The following PDE1C variants were observed in gnomAD, a reference collection of about 807,000 sequenced individuals.
PDE1C encodes the protein dual specificity calcium/calmodulin-dependent 3',5'-cyclic nucleotide phosphodiesterase 1C.
In PDE1C, 62 loss-of-function variants were observed where a neutral mutation model predicts 93.1. That is an observed-to-expected ratio of 0.67 (90% CI 0.54 to 0.82). PDE1C has a LOEUF of 0.82. PDE1C is among the 40% of genes least tolerant of loss of function. PDE1C has a pLI of 0.00. For missense variants in PDE1C, 742 were observed against 884.6 expected (o/e 0.84, Z 2.04); for synonymous variants, 325 against 310.1 (o/e 1.05, Z -0.50).
intron 2 of PDE1C, among the ~76,000 whole-genome samples, chr7:31,984,617 A>G (rs1174948366): frequency 6.6e-6 from 1 of 152,192 alleles, no homozygotes; most frequent in Non-Finnish European, 1.5e-5. Context: ...CTGCGTGCAC[A>G]CTGGGCTCTG....
intron 2 of PDE1C, among the ~76,000 whole-genome samples, chr7:31,937,680 T>C (rs541379880): frequency 2.7e-4 from 41 of 152,288 alleles, no homozygotes; most frequent in African/African-American, 9.9e-4. Flanking sequence ...AAAAAGACAA[T>C]GTTTTAAAGT....
At chr7:32,182,440 G>C (rs900305506) in intron 2 of PDE1C, among the ~76,000 whole-genome samples, 5 of 152,148 alleles carry the variant, frequency 3.3e-5, no homozygotes, top group Admixed American at 2.0e-4. Context: ...ACATCAAAAA[G>C]CTTATCCACC....
chr7:32,382,870 G>T (rs566417447), intron 1 of PDE1C, among the ~76,000 whole-genome samples: 1 of 152,074 alleles, frequency 6.6e-6, no homozygotes, highest in African/African-American at 2.4e-5. Flanking sequence ...GCTCACTGTC[G>T]CCAGGCAGAC....
chr7:31,826,114 T>C (rs1204603498), intron 12 of PDE1C, among the ~76,000 whole-genome samples: 1 of 152,200 alleles, frequency 6.6e-6, no homozygotes, highest in African/African-American at 2.4e-5. Context: ...GGGATGCTGG[T>C]AATTCATTAC....
At chr7:32,341,173 CTTTTT>C in intron 1 of PDE1C, among the ~76,000 whole-genome samples, 1 of 84,952 alleles carries the variant, frequency 1.2e-5, no homozygotes, top group Admixed American at 1.7e-4. Flanking sequence ...GAAATAAAGT[CTTTTT>C]TTTTTTTTTT....
chr7:31,720,338 T>C, the PDE1C span, among the ~76,000 whole-genome samples: 1 of 152,082 alleles, frequency 6.6e-6, no homozygotes, highest in Non-Finnish European at 1.5e-5. Flanking sequence ...CTAGGGCCCT[T>C]GAGAGCAGGG....
chr7:31,909,856 C>A (rs1336385979), intron 2 of PDE1C, among the ~76,000 whole-genome samples: 1 of 152,100 alleles, frequency 6.6e-6, no homozygotes, highest in Non-Finnish European at 1.5e-5. Flanking sequence ...GCAGGAGTTT[C>A]CGCAAATTGG....
chr7:32,088,650 T>C (rs545795669), intron 3 of PDE1C, among the ~76,000 whole-genome samples: 1 of 152,344 alleles, frequency 6.6e-6, no homozygotes, highest in South Asian at 2.1e-4. Context: ...CGCTGGGTGT[T>C]TGCAAAGCAG....
chr7:32,309,437 C>T (rs1482488329), intron 1 of PDE1C, among the ~76,000 whole-genome samples: 1 of 152,112 alleles, frequency 6.6e-6, no homozygotes, highest in Non-Finnish European at 1.5e-5. Flanking sequence ...AACTCCAAGA[C>T]ACATAATTGT....
At chr7:32,425,121 C>T (rs6462362) in intron 1 of PDE1C, among the ~76,000 whole-genome samples, 24,178 of 146,032 alleles carry the variant, frequency 0.17, 2,109 homozygotes, top group East Asian at 0.22. Context: ...TATTATATTA[C>T]ATATATATAT....
chr7:32,237,770 T>A (rs1348118119), intron 1 of PDE1C, among the ~76,000 whole-genome samples: 1 of 108,688 alleles, frequency 9.2e-6, no homozygotes, highest in Admixed American at 8.8e-5. Flanking sequence ...ATACTTTTTT[T>A]TTTTTTTTTT....
At chr7:31,894,615 T>C (rs1329033583) in intron 2 of PDE1C, among the ~76,000 whole-genome samples, 1 of 152,178 alleles carries the variant, frequency 6.6e-6, no homozygotes, top group Non-Finnish European at 1.5e-5. Flanking sequence ...CACATTCACA[T>C]ATTTCTCAGA....
intron 16 of PDE1C, among the ~76,000 whole-genome samples, chr7:31,794,037 TAGATAGACAGACAGACAGAC>T (rs1784921714): frequency 9.5e-6 from 1 of 105,764 alleles, no homozygotes. Flanking sequence ...GATAGATAGA[TAGATAGACAGACAGACAGAC>T]AGACAGACAG....
intron 13 of PDE1C, among the ~76,000 whole-genome samples, chr7:31,823,470 A>G (rs1789256471): frequency 6.6e-6 from 1 of 151,916 alleles, no homozygotes; most frequent in South Asian, 2.1e-4. Context: ...GAGTCTCTAT[A>G]TTCTTCATAT....
chr7:32,424,748 T>C (rs1195510536), intron 1 of PDE1C, among the ~76,000 whole-genome samples: 1 of 151,742 alleles, frequency 6.6e-6, no homozygotes, highest in African/African-American at 2.4e-5. Context: ...GGAGGTAGAG[T>C]TTGCAGTGAG....
chr7:31,707,117 A>G, the PDE1C span: 1 of 1,235,610 alleles, frequency 8.1e-7, no homozygotes, highest in Non-Finnish European at 1.1e-6. Context: ...CTGGGTTGCC[A>G]TGCTCCTTTG....
At chr7:31,623,415 T>C in the PDE1C span, among the ~76,000 whole-genome samples, 1 of 151,508 alleles carries the variant, frequency 6.6e-6, no homozygotes, top group South Asian at 2.1e-4. Flanking sequence ...CATGATCAAG[T>C]GGGCTTCATC....
At chr7:32,106,132 G>A (rs183557670) in intron 3 of PDE1C, among the ~76,000 whole-genome samples, 4 of 152,182 alleles carry the variant, frequency 2.6e-5, no homozygotes, top group East Asian at 1.9e-4. Flanking sequence ...CTGCCTCAGC[G>A]TTCTGAGTAG....
intron 2 of PDE1C, among the ~76,000 whole-genome samples, chr7:31,911,678 G>A (rs182144998): frequency 6.6e-6 from 1 of 152,210 alleles, no homozygotes; most frequent in East Asian, 1.9e-4. Context: ...AGCCAGGTGT[G>A]CATCATTTCA....
Sources: gnomAD v4.1 joint callset for allele counts (sites outside exome capture counted in the v4.1 genomes callset) on GRCh38, gnomAD v4.1.1 for gene constraint, MANE v1.5 for transcripts, NCBI Gene and HGNC (gene_info 2026-07-23, HGNC 2026-07-21) for gene names.